The following OPCML variants were observed in gnomAD, a reference collection of about 807,000 sequenced individuals.
OPCML encodes the protein opioid-binding protein/cell adhesion molecule.
OPCML carries 13 observed loss-of-function variants against 37.8 expected under a neutral mutation model. That is an observed-to-expected ratio of 0.34 (90% CI 0.22 to 0.55). The LOEUF (loss-of-function observed/expected upper bound fraction) is 0.55. Ranked by LOEUF, OPCML falls within the 20% of genes least tolerant of loss-of-function variation. OPCML has a pLI of 0.91. For synonymous variants in OPCML, 176 were observed against 168.8 expected (o/e 1.04, Z -0.33); for missense variants, 341 against 435.6 (o/e 0.78, Z 1.93).
chr11:132,628,098 C>G (rs1428112015), intron 3 of OPCML, among the ~76,000 whole-genome samples: 4 of 151,932 alleles, frequency 2.6e-5, no homozygotes, highest in Admixed American at 2.6e-4. Flanking sequence ...GATTAGACTG[C>G]CCTAGGTATG....
At chr11:133,153,529 A>T in intron 1 of OPCML, among the ~76,000 whole-genome samples, 1 of 152,076 alleles carries the variant, frequency 6.6e-6, no homozygotes, top group Admixed American at 6.5e-5. Context: ...AGCTCTCTGC[A>T]CCCGGGCCTG....
chr11:132,898,593 G>A (rs1943934650), intron 2 of OPCML, among the ~76,000 whole-genome samples: 3 of 152,174 alleles, frequency 2.0e-5, no homozygotes, highest in Admixed American at 2.0e-4. Flanking sequence ...CCAGAAGGCT[G>A]TATGTGCTCT....
At chr11:133,403,519 G>A (rs1945455734) in intron 1 of OPCML, among the ~76,000 whole-genome samples, 1 of 152,142 alleles carries the variant, frequency 6.6e-6, no homozygotes, top group African/African-American at 2.4e-5. Context: ...CCAGGGTCTT[G>A]GGAAGGGATC....
chr11:133,288,923 G>A (rs1166203981), intron 1 of OPCML, among the ~76,000 whole-genome samples: 4 of 152,124 alleles, frequency 2.6e-5, no homozygotes, highest in Non-Finnish European at 5.9e-5. Context: ...TTGAGGGGAT[G>A]ATAAGAAGCA....
At chr11:132,868,681 T>C (rs1011793528) in intron 2 of OPCML, among the ~76,000 whole-genome samples, 2 of 152,094 alleles carry the variant, frequency 1.3e-5, no homozygotes, top group South Asian at 4.1e-4. Context: ...CCTCTAGCAC[T>C]GTGGGCTTAA....
rs1038553238 is a variant in OPCML at position 133,148,974 on chromosome 11, G to C, written c.62-205964C>G. Among the ~76,000 whole-genome samples the C allele has an allele frequency of 2.6e-5, 4 of 152,270 alleles. No homozygotes were observed. In the South Asian group the frequency reaches 8.3e-4, roughly 32 times the overall value. ...TGCATTCAGTCTTGAGAAGGAGAGA[G>C]GGGTTAAGGTAGAGGAGGAGAGTGG... On this transcript the variant is annotated intron_variant, in intron 1 of 7. Transcript: ENST00000524381.
At chr11:132,997,801 C>T (rs1946915063) in intron 1 of OPCML, among the ~76,000 whole-genome samples, 1 of 152,220 alleles carries the variant, frequency 6.6e-6, no homozygotes, top group Non-Finnish European at 1.5e-5. Context: ...GCTTCTTTCA[C>T]TCTTGGAATC....
chr11:132,920,976 G>A (rs1304425529), intron 2 of OPCML, among the ~76,000 whole-genome samples: 2 of 152,066 alleles, frequency 1.3e-5, no homozygotes, highest in African/African-American at 4.8e-5. Flanking sequence ...TTCCTTGCCT[G>A]ACCCCCTCAG....
At chr11:132,868,670 G>C (rs1326589102) in intron 2 of OPCML, among the ~76,000 whole-genome samples, 2 of 152,126 alleles carry the variant, frequency 1.3e-5, no homozygotes, top group Middle Eastern at 3.2e-3. Flanking sequence ...GTTTCTCTCA[G>C]CCTCTAGCAC....
At chr11:133,194,095 G>A (rs1280006905) in intron 1 of OPCML, among the ~76,000 whole-genome samples, 1 of 151,956 alleles carries the variant, frequency 6.6e-6, no homozygotes, top group Non-Finnish European at 1.5e-5. Flanking sequence ...GGTTAGGGGA[G>A]AAGCTAATAT....
chr11:133,140,776 GAAGAA>G (rs1949775415), intron 1 of OPCML, among the ~76,000 whole-genome samples: 2 of 148,108 alleles, frequency 1.4e-5, no homozygotes, highest in African/African-American at 5.0e-5. Flanking sequence ...AGAAGAAGAA[GAAGAA>G]GACGACGAAG....
intron 3 of OPCML, among the ~76,000 whole-genome samples, chr11:132,585,127 ACAATTCTCCACTTTTGGT>A (rs142525120): frequency 0.026 from 3,911 of 152,186 alleles, 181 homozygotes; most frequent in African/African-American, 0.09. Context: ...ATTTAAATTA[ACAATTCTCCACTTTTGGT>A]CAACCTCTCA....
chr11:133,247,964 T>A (rs555185855), intron 1 of OPCML, among the ~76,000 whole-genome samples: 1 of 152,268 alleles, frequency 6.6e-6, no homozygotes, highest in South Asian at 2.1e-4. Context: ...ACTAGAGAGA[T>A]GTAAATTCAG....
intron 4 of OPCML, among the ~76,000 whole-genome samples, chr11:132,489,771 C>T (rs2096210227): frequency 6.6e-6 from 1 of 152,064 alleles, no homozygotes; most frequent in South Asian, 2.1e-4. Flanking sequence ...TTGCTGCATC[C>T]ATCCACCAAT....
At chr11:133,103,135 G>T (rs1405117884) in intron 1 of OPCML, among the ~76,000 whole-genome samples, 1 of 152,126 alleles carries the variant, frequency 6.6e-6, no homozygotes, top group African/African-American at 2.4e-5. Flanking sequence ...TAGTGATCTG[G>T]GGATTCCTAC....
Position 132,896,699 on chromosome 11 carries a change from A to G in OPCML, c.146+46227T>C, listed in dbSNP as rs749455489. On this transcript the variant is annotated intron_variant, in intron 2 of 7. Coordinates refer to ENST00000524381, the MANE Select transcript of OPCML (RefSeq NM_001012393.5). The stretch of plus-strand genomic sequence containing the variant: ...CTGCCTTTCCCTTCCATAAGATTTC[A>G]TACTGTTCTATTGATAACCTTATGC... Among the ~76,000 whole-genome samples the G allele has an allele frequency of 1.7e-4, 26 of 152,318 alleles. No homozygotes were observed. In the South Asian group the frequency reaches 4.3e-3, roughly 25 times the overall value.
intron 1 of OPCML, among the ~76,000 whole-genome samples, chr11:133,225,973 T>G (rs970995456): frequency 1.6e-4 from 25 of 152,228 alleles, no homozygotes; most frequent in African/African-American, 6.0e-4. Context: ...GAAGCACGTA[T>G]TATTAGGAAT....
chr11:133,156,135 A>G (rs548087015), intron 1 of OPCML, among the ~76,000 whole-genome samples: 39 of 152,314 alleles, frequency 2.6e-4, no homozygotes, highest in African/African-American at 8.9e-4. Flanking sequence ...TCATCCTTTG[A>G]TCTTGAGGAT....
At chr11:133,032,027 ACT>A (rs994531092) in intron 1 of OPCML, among the ~76,000 whole-genome samples, 7 of 152,174 alleles carry the variant, frequency 4.6e-5, no homozygotes, top group South Asian at 2.1e-4. Context: ...ATGAGATTAC[ACT>A]CTCTGTTCAA....
Sources: allele counts gnomAD v4.1 joint callset (sites outside exome capture counted in the v4.1 genomes callset), GRCh38; gene constraint gnomAD v4.1.1; transcripts MANE v1.5; gene names NCBI Gene and HGNC (gene_info 2026-07-23, HGNC 2026-07-21).